Variants in EP400 observed in about 807,000 individuals in gnomAD.
EP400 encodes E1A binding protein p400.
In EP400, 105 loss-of-function variants were observed where a neutral mutation model predicts 354.1. The observed-to-expected ratio is 0.30, with a 90% confidence interval of 0.25 to 0.35. The LOEUF (loss-of-function observed/expected upper bound fraction) is 0.35. Among genes scored for constraint, EP400 ranks in the 10% least tolerant of loss-of-function variants. The pLI, the probability that EP400 is intolerant of heterozygous loss-of-function variation, is 1.00. For synonymous variants in EP400, 1,646 were observed against 1,716.9 expected (o/e 0.96, Z 1.02); for missense variants, 3,280 against 4,121.0 (o/e 0.80, Z 5.59).
chr12:131,951,482 C>T (rs1263153532), intron 1 of EP400, among the ~76,000 whole-genome samples: 1 of 152,078 alleles, frequency 6.6e-6, no homozygotes, highest in East Asian at 1.9e-4. Flanking sequence ...CGCCGGGACA[C>T]GTGGAAGTGT....
In EP400 at chr12:132,067,626, G is replaced by C. The variant is rs117334564; in HGVS notation, c.8874+140G>C. 1.6e-6 allele frequency: 2 copies of C among 1,213,432 alleles called. No individual in the cohort carries two copies. The highest frequency in any genetic ancestry group is 1.5e-5 in the African/African-American group (1 of 66,354). 75.2% of individuals were successfully genotyped at this position (1,213,432 alleles called of 1,614,324 possible). On this transcript the variant is annotated intron_variant, in intron 50 of 52. Coordinates refer to ENST00000389561, the MANE Select transcript of EP400 (RefSeq NM_015409.5). This position sits in a 1 kb window ranked among gnomAD's most constrained non-coding sequence, Gnocchi z 5.3. ...GTGGCTTCAAGGGCTGGAGGTGCTA[G>C]TGTGGTCATCCCTGTTGGTTTTTCC... is the stretch of plus-strand genomic sequence containing the variant.
intron 12 of EP400, among the ~76,000 whole-genome samples, chr12:132,004,229 TC>T (rs1410886185): frequency 6.6e-6 from 1 of 152,218 alleles, no homozygotes; most frequent in Admixed American, 6.5e-5. Flanking sequence ...CATAATAATT[TC>T]CCAGTGTTAT....
rs548708027 is a variant in EP400, at chr12:131,976,624, C to T, written c.1336-3070C>T. Among the ~76,000 whole-genome samples, 28 of 152,224 alleles carry T rather than the reference C, an allele frequency of 1.8e-4. No individual in the cohort carries two copies. In the South Asian group the frequency reaches 4.4e-3, roughly 24 times the overall value. ...TCTCAGGAGGCTGAGGCAGGAGAAT[C>T]GCTTGAACCCAGGAGGTGGAGGTTG... On this transcript the variant is annotated intron_variant, in intron 2 of 52. Transcript: ENST00000389561.
intron 51 of EP400, among the ~76,000 whole-genome samples, chr12:132,069,918 G>C (rs1896019911): frequency 6.6e-6 from 1 of 152,148 alleles, no homozygotes; most frequent in African/African-American, 2.4e-5. Flanking sequence ...CCCAGTTCCA[G>C]GCTCCTCTTC....
intron 5 of EP400, 151 bp downstream of exon 5, chr12:131,982,629 C>T (rs907290900): frequency 7.1e-6 from 7 of 989,840 alleles, no homozygotes; most frequent in Non-Finnish European, 1.0e-5. Context: ...CAATTCAGTA[C>T]TTGCAATACA....
At chr12:132,034,435 A>G (rs904474921) in intron 30 of EP400, among the ~76,000 whole-genome samples, 6 of 152,210 alleles carry the variant, frequency 3.9e-5, no homozygotes, top group African/African-American at 1.4e-4. Flanking sequence ...TTTTTGTGAA[A>G]ACGCTCCTCA....
At chr12:132,039,593 G>A (rs890211000) in intron 32 of EP400, among the ~76,000 whole-genome samples, 2 of 151,922 alleles carry the variant, frequency 1.3e-5, no homozygotes, top group South Asian at 4.2e-4. Context: ...CCACCACCCC[G>A]TTTCTCACAT....
intron 50 of EP400, chr12:132,069,000 C>T (rs2136617195): frequency 6.5e-6 from 1 of 153,916 alleles, no homozygotes; most frequent in East Asian, 1.9e-4. Flanking sequence ...CCTATTTACC[C>T]ATAAGCATGG....
intron 14 of EP400, 36 bp downstream of exon 14, chr12:132,006,338 T>G: frequency 6.2e-7 from 1 of 1,604,062 alleles, no homozygotes; most frequent in Non-Finnish European, 8.5e-7. Context: ...GGATGGGCCT[T>G]TGAGAGACAG....
At chr12:132,002,705 G>T (rs1893457248) in intron 12 of EP400, among the ~76,000 whole-genome samples, 1 of 152,202 alleles carries the variant, frequency 6.6e-6, no homozygotes, top group South Asian at 2.1e-4. Flanking sequence ...ATCTTTTGTA[G>T]CTGAGTCTTG....
Position 132,017,881 on chromosome 12 carries a change from C to T in EP400, c.4110+160C>T, listed in dbSNP as rs1183299683. Among the ~76,000 whole-genome samples, 1 of 152,266 alleles carries T rather than the reference C, an allele frequency of 6.6e-6. No homozygotes were observed. Among genetic ancestry groups the T allele is most frequent in the Non-Finnish European group, 1.5e-5 (1 of 68,052 alleles). ...CCGTCTAGCAGCACTGATGGCCTGC[C>T]ACCCCTTGCCGGAGTGTTCCACCTC... On this transcript the variant is annotated intron_variant, in intron 20 of 52. Coordinates refer to ENST00000389561, the MANE Select transcript of EP400 (RefSeq NM_015409.5). The surrounding 1 kb of genome is among the most constrained non-coding windows in gnomAD (Gnocchi z 5.0).
At chr12:132,065,647 T>C (rs1223551473) in intron 48 of EP400, 2 of 152,302 alleles carry the variant, frequency 1.3e-5, no homozygotes, top group South Asian at 2.1e-4. Flanking sequence ...AAGCTAGGAT[T>C]TGGGGACCCA....
intron 48 of EP400, chr12:132,065,131 G>A (rs1282424511): frequency 4.3e-6 from 3 of 699,198 alleles, no homozygotes; most frequent in African/African-American, 1.8e-5. Flanking sequence ...ATTGAGGGGG[G>A]TGGAGAGTGA....
In EP400 at chr12:132,018,377, G is replaced by T; in HGVS notation, c.4277+1G>T. 6.2e-7 allele frequency: 1 copy of T among 1,603,958 alleles called. No homozygotes were observed. On this transcript the variant is annotated splice_donor_variant, in intron 21 of 52. Coordinates refer to ENST00000389561, the MANE Select transcript of EP400 (RefSeq NM_015409.5). LOFTEE classifies it high-confidence loss of function. This position sits in a 1 kb window ranked among gnomAD's most constrained non-coding sequence, Gnocchi z 4.0. ...CAGCAGCAAAGCTGAAGGCCAGCAG[G>T]TGCGTGCGACCCAGAGGCAGCGGGG...
Position 132,045,840 on chromosome 12 carries a change from C to T in EP400, c.7140C>T (p.Arg2380=). ...TTAACTCCTGTAGCCGAATCTACCG[C>T]TCTTCCAAACAGTGCCGGAATCGCT... ...DVVNSCSRIY[R]SSKQCRNRYE... is the part of the protein sequence containing the mutation. Residue 2380 remains arginine (R), a synonymous_variant, in exon 39 of 53, where the codon CGC becomes CGT. Transcript: ENST00000389561. 1.2e-6 allele frequency: 2 copies of T among 1,614,248 alleles called. No individual in the cohort carries two copies. The highest frequency in any genetic ancestry group is 1.7e-6 in the Non-Finnish European group (2 of 1,180,050).
At chr12:132,005,273 T>C in intron 13 of EP400, 89 bp downstream of exon 13, 1 of 908,066 alleles carries the variant, frequency 1.1e-6, no homozygotes, top group Non-Finnish European at 1.6e-6. Context: ...GAAAATTTCT[T>C]TTAGTTTGAT....
chr12:131,958,507 A>G (rs970849364), intron 1 of EP400, among the ~76,000 whole-genome samples: 9 of 152,174 alleles, frequency 5.9e-5, no homozygotes, highest in Non-Finnish European at 1.2e-4. Context: ...TTTCATATAT[A>G]CATGTATTTC....
At position 131,982,217 on chromosome 12, in the gene EP400, G is replaced by A; in HGVS notation, c.1668G>A (p.Gln556=). ...CCAGCTTGCACACCCCACTGCCGCA[G>A]CTGCCCGGGAGGCTGCCCCCAGCCG... is the stretch of plus-strand genomic sequence containing the variant. The part of the protein sequence containing the change: ...NAASLHTPLP[Q]LPGRLPPAGV... The change falls in exon 5 of 53, where the codon CAG becomes CAA. Residue 556 remains glutamine (Q), a synonymous_variant. Coordinates refer to ENST00000389561, the MANE Select transcript of EP400 (RefSeq NM_015409.5). 1 of 1,613,888 alleles carries A rather than the reference G, an allele frequency of 6.2e-7. No individual in the cohort carries two copies. The highest frequency in any genetic ancestry group is 8.5e-7 in the Non-Finnish European group (1 of 1,179,932).
Position 132,027,085 on chromosome 12 carries a change from G to A in EP400, c.5015-352G>A, listed in dbSNP as rs1385864114. On this transcript the variant is annotated intron_variant, in intron 25 of 52. Coordinates refer to ENST00000389561, the MANE Select transcript of EP400 (RefSeq NM_015409.5). This position sits in a 1 kb window ranked among gnomAD's most constrained non-coding sequence, Gnocchi z 4.9. ...AGGCGGTCACCTGGGCTAGGAGGTG[G>A]CCATGTGCTGATGGCGATGGGGTAC... 6.6e-6 allele frequency among the ~76,000 whole-genome samples: 1 copy of A among 152,184 alleles called. No individual in the cohort carries two copies. The highest frequency in any genetic ancestry group is 1.5e-5 in the Non-Finnish European group (1 of 68,032).
Sources: allele counts gnomAD v4.1 joint callset (sites outside exome capture counted in the v4.1 genomes callset), GRCh38; gene constraint gnomAD v4.1.1; non-coding constraint Gnocchi (gnomAD v3.1); transcripts MANE v1.5; gene names NCBI Gene and HGNC (gene_info 2026-07-23, HGNC 2026-07-21).